Variants in SELENOP observed in about 807,000 individuals in gnomAD.
SELENOP encodes the protein selenoprotein P.
A neutral mutation model predicts 41.0 loss-of-function variants in SELENOP; 36 were observed. That is an observed-to-expected ratio of 0.88 (90% CI 0.67 to 1.16). The LOEUF is 1.16. Ranked by LOEUF, SELENOP falls within the 50% of genes most tolerant of loss-of-function variation. The pLI is 0.00. For missense variants in SELENOP, 440 were observed against 454.2 expected (o/e 0.97, Z 0.28); for synonymous variants, 144 against 150.8 (o/e 0.95, Z 0.33).
intron 1 of SELENOP, chr5:42,809,669 G>T: frequency 3.2e-6 from 1 of 311,122 alleles, no homozygotes; most frequent in Non-Finnish European, 4.7e-6. Flanking sequence ...GTTAAAATCA[G>T]ATTGATCTGG....
chr5:42,801,682 C>T lies in SELENOP; in HGVS notation c.535-351G>A, dbSNP rs28919919. ...CTGTAATCCCACCACTTTGGGTGGC[C>T]GAGGGGGGCAGATTACTTGGGCTCA... On this transcript the variant is annotated intron_variant, in intron 4 of 4. Coordinates refer to ENST00000514985, the MANE Select transcript of SELENOP (RefSeq NM_005410.4). 1.7e-3 allele frequency: 473 copies of T among 282,918 alleles called. 3 individuals are homozygous for T. Among genetic ancestry groups the T allele is most frequent in the African/African-American group, 9.6e-3 (445 of 46,310 alleles). 17.5% of individuals were successfully genotyped at this position (282,918 alleles called of 1,614,324 possible).
chr5:42,804,334 G>A (rs1023345031), intron 4 of SELENOP, among the ~76,000 whole-genome samples: 1 of 152,130 alleles, frequency 6.6e-6, no homozygotes, highest in Non-Finnish European at 1.5e-5. Context: ...AGTGGCGGAC[G>A]CCTGTAGTCC....
intron 2 of SELENOP, chr5:42,807,348 T>G (rs1760355565): frequency 3.5e-6 from 1 of 284,288 alleles, no homozygotes; most frequent in African/African-American, 2.1e-5. Flanking sequence ...GTTCTCAAAT[T>G]AGCACGATGA....
At chr5:42,804,912 G>A in intron 3 of SELENOP, 139 bp from the exon 4 acceptor site, 2 of 520,022 alleles carry the variant, frequency 3.8e-6, no homozygotes, top group South Asian at 7.6e-5. Context: ...TTCTTTGGAT[G>A]AGAGCTACAA....
chr5:42,808,171 C>T lies in SELENOP; in HGVS notation c.183G>A (p.Leu61=). Residue 61 remains leucine (L), a synonymous_variant, in exon 2 of 5, where the codon CTG becomes CTA. Transcript: ENST00000514985. The part of the protein sequence containing the change: ...VVALLQASUY[L]CILQASKLED... ...CTTACTTAGATGCCTGCAGTATGCA[C>T]AGGTATCAGCTGGCTTGAAGAAGAG... The T allele has an allele frequency of 6.5e-7, 1 of 1,546,860 alleles. No individual in the cohort carries two copies. The highest frequency in any genetic ancestry group is 2.4e-5 in the East Asian group (1 of 41,628).
Position 42,806,974 on chromosome 5 carries a change from A to AC in SELENOP, c.337dup (p.Val113GlyfsTer?). 6.2e-7 allele frequency: 1 copy of AC among 1,611,826 alleles called. No homozygotes were observed. The highest frequency in any genetic ancestry group is 8.5e-7 in the Non-Finnish European group (1 of 1,178,470). The stretch of plus-strand genomic sequence containing the variant: ...TGTTTGGTTTTCTTCTTGTTGATAA[A>AC]CAGGAATATGCTCTGAAACCTTATT... On this transcript the variant is annotated frameshift_variant, in exon 3 of 5. Transcript: ENST00000514985. LOFTEE classifies it high-confidence loss of function.
intron 4 of SELENOP, chr5:42,802,411 A>T (rs570178922): frequency 2.0e-5 from 3 of 152,250 alleles, no homozygotes; most frequent in African/African-American, 4.8e-5. Context: ...AAAAGGTTAT[A>T]AATTCCATTA....
At position 42,799,903 on chromosome 5, in the gene SELENOP, T is replaced by C. The variant is rs539007215; in HGVS notation, c.*817A>G. 2.5e-5 allele frequency: 28 copies of C among 1,111,958 alleles called. 1 individual carries two copies. The East Asian group carries it at 6.0e-4, about 24-fold the overall frequency. The allele number at this position is 1,111,958 out of a possible 1,614,324, so 68.9% of individuals were successfully genotyped here. A position where few individuals can be genotyped will look rare whatever the true frequency, so the allele number is the denominator to read the frequency against. On this transcript the variant is annotated 3_prime_UTR_variant, in exon 5 of 5. Transcript: ENST00000514985. ...AGTCAGCTTTAAGGTTTTTATTGAA[T>C]TTATTTGGACAAATCCGTACTGTAT...
intron 1 of SELENOP, among the ~76,000 whole-genome samples, chr5:42,809,195 T>C (rs1760407799): frequency 6.6e-6 from 1 of 152,176 alleles, no homozygotes; most frequent in African/African-American, 2.4e-5. Flanking sequence ...CTGCCCCCTC[T>C]ACCATTTAAG....
chr5:42,800,816 A>G lies in SELENOP; in HGVS notation c.1050T>C (p.Ala350=). Residue 350 remains alanine, a synonymous_variant, in exon 5 of 5, where the codon GCT becomes GCC. Transcript: ENST00000514985. The part of the protein sequence containing the change: ...TESCQURLPP[A]AUQISQQLIP... Reference sequence around the variant, plus strand: ...TAAGCTGCTGACTTATTTGTCAGGCAGCTGGAGGCAAACGTCACTGACAAG... The same window carrying G: ...TAAGCTGCTGACTTATTTGTCAGGCGGCTGGAGGCAAACGTCACTGACAAG... 1 of 1,614,228 alleles carries G rather than the reference A, an allele frequency of 6.2e-7. No individual in the cohort carries two copies. Among genetic ancestry groups the G allele is most frequent in the Non-Finnish European group, 8.5e-7 (1 of 1,180,034 alleles).
intron 1 of SELENOP, among the ~76,000 whole-genome samples, chr5:42,808,852 G>A (rs1187033872): frequency 6.6e-6 from 1 of 151,756 alleles, no homozygotes; most frequent in East Asian, 1.9e-4. Context: ...CCCGGGCGGT[G>A]GAGCTTGCAG....
chr5:42,800,788 G>A lies in SELENOP; in HGVS notation c.1078C>T (p.Pro360Ser), dbSNP rs766743459. Reference protein sequence around the residue: ...AAUQISQQLIPTEASASURUK... With the variant: ...AAUQISQQLISTEASASURUK... Reference sequence around the variant, plus strand: ...CGTCAACTGGCACTGGCTTCTGTGGGTATAAGCTGCTGACTTATTTGTCAG... The same window carrying A: ...CGTCAACTGGCACTGGCTTCTGTGGATATAAGCTGCTGACTTATTTGTCAG... Residue 360 changes from proline to serine, a missense_variant, in exon 5 of 5, where the codon CCC (proline) becomes TCC (serine). Coordinates refer to ENST00000514985, the MANE Select transcript of SELENOP (RefSeq NM_005410.4). 2.2e-5 allele frequency: 36 copies of A among 1,614,048 alleles called. No individual in the cohort carries two copies. The highest frequency in any genetic ancestry group is 1.3e-4 in the Admixed American group (8 of 60,010).
intron 4 of SELENOP, among the ~76,000 whole-genome samples, chr5:42,803,480 T>C (rs1029474935): frequency 1.3e-5 from 2 of 152,124 alleles, no homozygotes; most frequent in African/African-American, 4.8e-5. Context: ...ATTACATAAC[T>C]AGAGTAAGTA....
chr5:42,811,200 T>TTC (rs918492607), intron 1 of SELENOP, among the ~76,000 whole-genome samples: 3 of 152,186 alleles, frequency 2.0e-5, no homozygotes, highest in African/African-American at 7.2e-5. Context: ...CCTCTGAACT[T>TTC]TAGGCCAGCA....
rs1370085831 is a variant in SELENOP at position 42,806,890 on chromosome 5, A to G, written c.416+6T>C. Reference sequence around the variant, plus strand: ...ATTTGGGATGTGTTTGTGTGTATGTACAAACCTATCATATATGAGGAAGTC... The same window carrying G: ...ATTTGGGATGTGTTTGTGTGTATGTGCAAACCTATCATATATGAGGAAGTC... On this transcript the variant is annotated splice_donor_region_variant and intron_variant, in intron 3 of 4. Coordinates refer to ENST00000514985, the MANE Select transcript of SELENOP (RefSeq NM_005410.4). 7.0e-6 allele frequency: 11 copies of G among 1,569,908 alleles called. No individual in the cohort carries two copies. Among genetic ancestry groups the G allele is most frequent in the African/African-American group, 1.4e-5 (1 of 74,052 alleles).
intron 4 of SELENOP, among the ~76,000 whole-genome samples, chr5:42,803,783 A>C (rs1258669488): frequency 6.6e-6 from 1 of 152,230 alleles, no homozygotes; most frequent in African/African-American, 2.4e-5. Context: ...ACAAAGAAGA[A>C]ATATTTTCAT....
At position 42,807,044 on chromosome 5, in the gene SELENOP, T is replaced by A; in HGVS notation, c.268A>T (p.Asn90Tyr). The change falls in exon 3 of 5, where the codon AAT becomes TAT. Residue 90 changes from asparagine to tyrosine, a missense_variant. Physicochemically the swap from Asn to Tyr is moderately radical, Grantham distance 143. Coordinates refer to ENST00000514985, the MANE Select transcript of SELENOP (RefSeq NM_005410.4). ...GYSNISYIVV[N>Y]HQGISSRLKY... ...AATCGAGAAGAGATTCCTTGATGAT[T>A]AACAACAATATAAGAAATATTAGAA... The A allele has an allele frequency of 6.4e-7, 1 of 1,569,226 alleles. No homozygotes were observed.
chr5:42,800,537 A>G lies in SELENOP; in HGVS notation c.*183T>C, dbSNP rs1760159477. The G allele has an allele frequency of 1.5e-6, 1 of 668,060 alleles. No individual in the cohort carries two copies. The highest frequency in any genetic ancestry group is 2.4e-6 in the Non-Finnish European group (1 of 422,876). The allele number at this position is 668,060 out of a possible 1,614,324, so 41.4% of individuals were successfully genotyped here. On this transcript the variant is annotated 3_prime_UTR_variant, in exon 5 of 5. Coordinates refer to ENST00000514985, the MANE Select transcript of SELENOP (RefSeq NM_005410.4). ...CCTTTCAGTTGCTCCATCATAAAAA[A>G]TATGGTTTGAGTCAATATTTCTATG... is the stretch of plus-strand genomic sequence containing the variant.
chr5:42,801,466 GAGAA>G, intron 4 of SELENOP, 135 bp from the exon 5 acceptor site: 5 of 655,890 alleles, frequency 7.6e-6, no homozygotes, highest in South Asian at 4.4e-5. Context: ...TTATATTAAT[GAGAA>G]AGAGTCTGAT....
Sources: gnomAD v4.1 joint callset for allele counts (sites outside exome capture counted in the v4.1 genomes callset) on GRCh38, gnomAD v4.1.1 for gene constraint, MANE v1.5 for transcripts, NCBI Gene and HGNC (gene_info 2026-07-23, HGNC 2026-07-21) for gene names.